Variants in MS4A4E observed in about 807,000 individuals in gnomAD.
The protein encoded by MS4A4E is putative membrane-spanning 4-domains subfamily A member 4E.
In MS4A4E, 23 loss-of-function variants were observed where a neutral mutation model predicts 13.3. That is an observed-to-expected ratio of 1.73 (90% CI 1.25 to 2.45). MS4A4E has a LOEUF of 2.45. MS4A4E is among the 30% of genes most tolerant of loss of function. The probability of loss-of-function intolerance (pLI) is 0.00; values close to 1 mark genes in which losing one functional copy is unlikely to be tolerated. For missense variants in MS4A4E, 144 were observed against 131.2 expected, an observed-to-expected ratio of 1.10 and a Z score of -0.48; for synonymous variants, 36 against 45.6, an observed-to-expected ratio of 0.79 and a Z score of 0.85.
intron 1 of MS4A4E, among the ~76,000 whole-genome samples, chr11:60,232,848 A>G (rs2084429846): frequency 6.6e-6 from 1 of 151,990 alleles, no homozygotes; most frequent in African/African-American, 2.4e-5. Flanking sequence ...CCTGAGCCAA[A>G]CTGCCGCTAT....
chr11:60,208,506 A>C, intron 6 of MS4A4E, 87 bp downstream of exon 6: 1 of 424,552 alleles, frequency 2.4e-6, no homozygotes, highest in East Asian at 3.6e-5. Context: ...ATGAATGTGT[A>C]CTGTGTTAAG....
intron 5 of MS4A4E, among the ~76,000 whole-genome samples, chr11:60,210,099 G>A (rs1455834559): frequency 6.6e-6 from 1 of 152,232 alleles, no homozygotes. Flanking sequence ...CAGACCGTAA[G>A]GTCTCTGGCA....
rs558044065 is a variant in MS4A4E, at chr11:60,224,907, A to T, written c.178+3687T>A. ...GAATTAGAATAAAATTGCAAAGATC[A>T]GGGTATTTACACCTCTATTATGTTA... On this transcript the variant is annotated intron_variant, in intron 3 of 8. Coordinates refer to ENST00000651255, the MANE Select transcript of MS4A4E (RefSeq NM_001393391.1). 2.8e-5 allele frequency: 37 copies of T among 1,314,246 alleles called. 1 individual carries two copies. The Middle Eastern group carries it at 3.5e-3, about 126-fold the overall frequency. 81.4% of individuals were successfully genotyped at this position (1,314,246 alleles called of 1,614,324 possible).
At chr11:60,213,277 C>T (rs146621810) in intron 4 of MS4A4E, 145 bp from the exon 5 acceptor site, 1,600 of 1,535,286 alleles carry the variant, frequency 1.0e-3, no homozygotes, top group Admixed American at 1.4e-3. Flanking sequence ...TCTGATCTCT[C>T]GCCAAAACAC....
chr11:60,213,241 A>G, intron 4 of MS4A4E, 109 bp from the exon 5 acceptor site: 1 of 1,510,554 alleles, frequency 6.6e-7, no homozygotes, highest in East Asian at 2.5e-5. Flanking sequence ...TAGTCTTCTA[A>G]CTTGTCTCCT....
intron 3 of MS4A4E, among the ~76,000 whole-genome samples, chr11:60,220,850 T>A (rs2084261337): frequency 6.6e-6 from 1 of 152,280 alleles, no homozygotes; most frequent in South Asian, 2.1e-4. Flanking sequence ...ATTCGTTACC[T>A]GGGGGTGTTA....
At chr11:60,206,645 G>A (rs1181425131) in intron 6 of MS4A4E, 1 of 216,368 alleles carries the variant, frequency 4.6e-6, no homozygotes, top group Non-Finnish European at 1.1e-5. Flanking sequence ...TAGATTTCTG[G>A]AGCATTCTTC....
At chr11:60,231,344 A>G (rs181472205) in intron 1 of MS4A4E, among the ~76,000 whole-genome samples, 60 of 152,050 alleles carry the variant, frequency 3.9e-4, no homozygotes, top group Non-Finnish European at 8.2e-4. Context: ...TAAATAATGT[A>G]AATGTGATTG....
intron 3 of MS4A4E, among the ~76,000 whole-genome samples, chr11:60,221,056 T>G (rs1041904964): frequency 2.0e-5 from 3 of 152,162 alleles, no homozygotes; most frequent in Non-Finnish European, 4.4e-5. Context: ...AAGTCCCCCA[T>G]AGATGAATCA....
At chr11:60,222,869 A>G (rs1262019515) in intron 3 of MS4A4E, among the ~76,000 whole-genome samples, 1 of 152,174 alleles carries the variant, frequency 6.6e-6, no homozygotes, top group Admixed American at 6.5e-5. Context: ...AAATTAGTCT[A>G]CTACTCCACA....
intron 3 of MS4A4E, among the ~76,000 whole-genome samples, chr11:60,226,571 T>C (rs944292941): frequency 3.3e-5 from 5 of 152,188 alleles, no homozygotes; most frequent in Non-Finnish European, 5.9e-5. Context: ...AGGAAAAATA[T>C]TGAGCAAAAT....
At chr11:60,216,395 T>A (rs2084193788) in intron 3 of MS4A4E, among the ~76,000 whole-genome samples, 1 of 152,140 alleles carries the variant, frequency 6.6e-6, no homozygotes. Context: ...TGACCCTATT[T>A]GAACCCTGAT....
At chr11:60,232,312 CACACACACA>C (rs2084420640) in intron 1 of MS4A4E, among the ~76,000 whole-genome samples, 1 of 151,046 alleles carries the variant, frequency 6.6e-6, no homozygotes, top group Non-Finnish European at 1.5e-5. Context: ...CACACACACA[CACACACACA>C]CCAAAAATGA....
chr11:60,240,879 C>T (rs536883783), intron 1 of MS4A4E, among the ~76,000 whole-genome samples: 1 of 152,314 alleles, frequency 6.6e-6, no homozygotes, highest in East Asian at 1.9e-4. Context: ...ATTACTCAAC[C>T]TCTAGTGGTA....
chr11:60,239,490 T>C (rs142619607), intron 1 of MS4A4E, among the ~76,000 whole-genome samples: 1 of 152,146 alleles, frequency 6.6e-6, no homozygotes, highest in Non-Finnish European at 1.5e-5. Context: ...TTGGGGGAAG[T>C]GAAAAAGCAG....
At chr11:60,238,746 T>C (rs2084514026) in intron 1 of MS4A4E, among the ~76,000 whole-genome samples, 1 of 152,222 alleles carries the variant, frequency 6.6e-6, no homozygotes, top group Non-Finnish European at 1.5e-5. Context: ...AGGTGGAAGA[T>C]TAGATTACTG....
intron 3 of MS4A4E, among the ~76,000 whole-genome samples, chr11:60,223,645 G>C (rs2084302013): frequency 6.6e-6 from 1 of 152,180 alleles, no homozygotes; most frequent in Non-Finnish European, 1.5e-5. Flanking sequence ...ATCTGGGAGA[G>C]CACAATCTAC....
In MS4A4E at chr11:60,201,452, A is replaced by T. The variant is rs946709833; in HGVS notation, c.*91T>A. The T allele has an allele frequency of 4.8e-6, 1 of 209,270 alleles. No individual in the cohort carries two copies. The highest frequency in any genetic ancestry group is 2.6e-5 in the African/African-American group (1 of 37,988). The allele number at this position is 209,270 out of a possible 1,614,324, so 13.0% of individuals were successfully genotyped here. A position where few individuals can be genotyped will look rare whatever the true frequency, so the allele number is the denominator to read the frequency against. On this transcript the variant is annotated 3_prime_UTR_variant, in exon 9 of 9. Coordinates refer to ENST00000651255, the MANE Select transcript of MS4A4E (RefSeq NM_001393391.1). ...TCTCAGATGGGGCGGCTGGGCAGAG[A>T]CGCTCCTCACCTCCCAGACGGGGTC...
intron 3 of MS4A4E, among the ~76,000 whole-genome samples, chr11:60,227,029 TAAA>T (rs1405364897): frequency 2.0e-5 from 3 of 152,188 alleles, no homozygotes; most frequent in Admixed American, 2.0e-4. Context: ...CAATACTATT[TAAA>T]TTAGCAACCC....
Sources: allele counts gnomAD v4.1 joint callset (sites outside exome capture counted in the v4.1 genomes callset), GRCh38; gene constraint gnomAD v4.1.1; transcripts MANE v1.5; gene names NCBI Gene and HGNC (gene_info 2026-07-23, HGNC 2026-07-21).